MSTO1: variants seen among roughly 807,000 people sequenced by gnomAD.
MSTO1 encodes the protein misato mitochondrial distribution and morphology regulator 1.
MSTO1 carries 24 observed loss-of-function variants against 55.7 expected under a neutral mutation model. The ratio of observed to expected loss-of-function variants is 0.43; its 90% CI spans 0.31 to 0.61. The LOEUF is 0.61. Among genes scored for constraint, MSTO1 ranks in the 20% least tolerant of loss-of-function variants. The pLI, the probability that MSTO1 is intolerant of heterozygous loss-of-function variation, is 0.09. For missense variants in MSTO1, 363 were observed against 625.7 expected (o/e 0.58, Z 4.48); for synonymous variants, 162 against 252.8 (o/e 0.64, Z 3.41).
At chr1:155,563,415 G>A in the MSTO1 span, 1 of 456,730 alleles carries the variant, frequency 2.2e-6, no homozygotes, top group Non-Finnish European at 4.4e-6. Flanking sequence ...AGTGAGGCCA[G>A]TAGGACCGGC....
chr1:155,589,011 C>T, the MSTO1 span, among the ~76,000 whole-genome samples: 1 of 152,068 alleles, frequency 6.6e-6, no homozygotes, highest in African/African-American at 2.4e-5. Context: ...AATAAATTTC[C>T]TCTCGGCCGG....
the MSTO1 span, chr1:155,563,284 G>A: frequency 4.4e-6 from 2 of 456,080 alleles, no homozygotes; most frequent in South Asian, 1.5e-5. Flanking sequence ...GGTCGCAGGC[G>A]GTGTGTGCCG....
the MSTO1 span, among the ~76,000 whole-genome samples, chr1:155,579,802 A>G: frequency 1.3e-5 from 2 of 151,982 alleles, no homozygotes; most frequent in African/African-American, 4.8e-5. Flanking sequence ...AATCTTAAGC[A>G]TCTGTGGTTC....
chr1:155,574,944 G>A, the MSTO1 span, among the ~76,000 whole-genome samples: 1 of 145,354 alleles, frequency 6.9e-6, no homozygotes, highest in Non-Finnish European at 1.5e-5. Context: ...TCGGCTCACT[G>A]CAACCTCCAC....
chr1:155,564,513 A>G, the MSTO1 span, among the ~76,000 whole-genome samples: 883 of 152,292 alleles, frequency 5.8e-3, 6 homozygotes, highest in African/African-American at 0.02. Flanking sequence ...AAATAAAAAT[A>G]AAAAGCCCTT....
Position 155,612,935 on chromosome 1 carries a change from T to C in MSTO1, c.1058T>C (p.Met353Thr). Residue 353 changes from methionine to threonine, a missense_variant, in exon 10 of 14, where the codon ATG becomes ACG. Around this residue, in one of 3 missense-constraint regions of MSTO1, gnomAD observed 231 missense variants for 286.9 expected, o/e 0.81. Coordinates refer to ENST00000245564, the MANE Select transcript of MSTO1 (RefSeq NM_018116.4). The stretch of plus-strand genomic sequence containing the variant: ...CGCCTGTGTTCCTCTCCAGTTTCCA[T>C]GGTTCATCTGGCTGACATGCTGAGC... Reference protein sequence around the residue: ...PYRLCSSPVSMVHLADMLSFC... With the variant: ...PYRLCSSPVSTVHLADMLSFC... 2 of 1,613,934 alleles carry C rather than the reference T, an allele frequency of 1.2e-6. No individual in the cohort carries two copies. Among genetic ancestry groups the C allele is most frequent in the Non-Finnish European group, 8.5e-7 (1 of 1,179,844 alleles).
chr1:155,571,399 T>C, the MSTO1 span, among the ~76,000 whole-genome samples: 2 of 152,198 alleles, frequency 1.3e-5, no homozygotes, highest in Non-Finnish European at 2.9e-5. Context: ...GACAATTCTT[T>C]CGACGTGGCC....
At chr1:155,608,267 G>A (rs1288378548), upstream of MSTO1, among the ~76,000 whole-genome samples, 2 of 152,130 alleles carry the variant, frequency 1.3e-5, no homozygotes, top group Non-Finnish European at 2.9e-5. Flanking sequence ...GCGCTGAAGC[G>A]ATCCTCTCAC....
At chr1:155,610,153 C>A, upstream of MSTO1, 6 of 1,167,132 alleles carry the variant, frequency 5.1e-6, no homozygotes, top group Admixed American at 2.3e-5. Context: ...CAATAAGTAG[C>A]CGAGAATAAC....
upstream of MSTO1, among the ~76,000 whole-genome samples, chr1:155,607,906 A>AGGATCGCTTCAGCC (rs1234829519): frequency 4.6e-5 from 7 of 152,220 alleles, no homozygotes; most frequent in Non-Finnish European, 7.3e-5. Context: ...CTGAGGTGGG[A>AGGATCGCTTCAGCC]GGATCGCTTC....
chr1:155,572,083 C>T, the MSTO1 span, among the ~76,000 whole-genome samples: 1 of 150,950 alleles, frequency 6.6e-6, no homozygotes, highest in Non-Finnish European at 1.5e-5. Context: ...GTGAGCCAAA[C>T]TTTTCCTATG....
At chr1:155,570,642 G>A in the MSTO1 span, among the ~76,000 whole-genome samples, 1 of 152,142 alleles carries the variant, frequency 6.6e-6, no homozygotes, top group African/African-American at 2.4e-5. Context: ...GCGAGACCAT[G>A]TTCACATAAC....
At chr1:155,584,014 G>T in the MSTO1 span, among the ~76,000 whole-genome samples, 1 of 152,196 alleles carries the variant, frequency 6.6e-6, no homozygotes. Context: ...TGTAGTGTGG[G>T]CGTGTGGAAG....
the MSTO1 span, among the ~76,000 whole-genome samples, chr1:155,597,426 G>A: frequency 6.8e-6 from 1 of 147,668 alleles, no homozygotes; most frequent in African/African-American, 2.5e-5. Flanking sequence ...CTGAGATCAC[G>A]CCATTACACT....
chr1:155,603,732 C>T, the MSTO1 span, among the ~76,000 whole-genome samples: 1 of 151,976 alleles, frequency 6.6e-6, no homozygotes, highest in Non-Finnish European at 1.5e-5. Flanking sequence ...GTGGCAGGCA[C>T]CTGTAATCCC....
the MSTO1 span, among the ~76,000 whole-genome samples, chr1:155,582,826 T>C: frequency 6.6e-6 from 1 of 152,048 alleles, no homozygotes; most frequent in African/African-American, 2.4e-5. Flanking sequence ...AGGGTGAGAC[T>C]TTTGAGATTT....
chr1:155,563,450 G>T, the MSTO1 span: 8 of 456,620 alleles, frequency 1.8e-5, no homozygotes, highest in African/African-American at 1.6e-4. Context: ...ATTCCTCCCG[G>T]GCGTTGAGTT....
the MSTO1 span, among the ~76,000 whole-genome samples, chr1:155,568,292 C>A: frequency 6.6e-6 from 1 of 151,830 alleles, no homozygotes; most frequent in East Asian, 2.0e-4. Flanking sequence ...CTTGGCCAGG[C>A]TGGTCTTGAA....
chr1:155,614,881 A>T lies in MSTO1; in HGVS notation c.*608A>T. 1 of 1,545,504 alleles carries T rather than the reference A, an allele frequency of 6.5e-7. No individual in the cohort carries two copies. The highest frequency in any genetic ancestry group is 8.8e-7 in the Non-Finnish European group (1 of 1,136,988). On this transcript the variant is annotated 3_prime_UTR_variant, in exon 14 of 14. Coordinates refer to ENST00000245564, the MANE Select transcript of MSTO1 (RefSeq NM_018116.4). ...AAAATGGTGGGAAACCTAAGAAAGG[A>T]GGAGGGCTGTATTCACTGATCCTTA... is the stretch of plus-strand genomic sequence containing the variant.
Sources: gnomAD v4.1 joint callset for allele counts (sites outside exome capture counted in the v4.1 genomes callset) on GRCh38, gnomAD v4.1.1 for gene constraint, gnomAD v4.1.1 regional missense constraint, MANE v1.5 for transcripts, NCBI Gene and HGNC (gene_info 2026-07-23, HGNC 2026-07-21) for gene names.